SLC17A8: variants seen among roughly 807,000 people sequenced by gnomAD.
The protein encoded by SLC17A8 is solute carrier family 17 member 8.
In SLC17A8, 31 loss-of-function variants were observed where a neutral mutation model predicts 58.0. The observed-to-expected ratio is 0.53, with a 90% CI of 0.40 to 0.72. The LOEUF is 0.72. Ranked by LOEUF, SLC17A8 falls within the 30% of genes least tolerant of loss-of-function variation. The probability of loss-of-function intolerance (pLI) is 0.00; values close to 1 mark genes in which losing one functional copy is unlikely to be tolerated. For synonymous variants in SLC17A8, 228 were observed against 249.0 expected, an observed-to-expected ratio of 0.92 and a Z score of 0.79; for missense variants, 655 against 727.8, an observed-to-expected ratio of 0.90 and a Z score of 1.15.
chr12:100,377,585 ATTTTTT>A (rs35397911), intron 1 of SLC17A8, among the ~76,000 whole-genome samples: 39 of 84,030 alleles, frequency 4.6e-4, no homozygotes, highest in African/African-American at 5.4e-4. Context: ...ATATATATAT[ATTTTTT>A]TTTTTTTTTT....
chr12:100,415,101 T>A (rs560081082), intron 10 of SLC17A8, among the ~76,000 whole-genome samples: 1 of 152,312 alleles, frequency 6.6e-6, no homozygotes, highest in South Asian at 2.1e-4. Flanking sequence ...GCCAATTAAG[T>A]CACAATCTGA....
At position 100,412,750 on chromosome 12, in the gene SLC17A8, C is replaced by A; in HGVS notation, c.1187-20C>A. ...CGATATGAAAATGACATTTTTTTCC[C>A]TTGCTGTTTCCATTTGCAGGTTTTG... On this transcript the variant is annotated intron_variant, in intron 9 of 11. Transcript: ENST00000323346. 6.4e-7 allele frequency: 1 copy of A among 1,558,414 alleles called. No homozygotes were observed. The highest frequency in any genetic ancestry group is 1.1e-5 in the South Asian group (1 of 89,902).
chr12:100,409,357 CAT>C (rs1224359669), intron 9 of SLC17A8, among the ~76,000 whole-genome samples: 2 of 151,914 alleles, frequency 1.3e-5, no homozygotes, highest in Admixed American at 6.6e-5. Flanking sequence ...GGCTAACTTT[CAT>C]ATGTTTAGTA....
At chr12:100,392,551 T>C (rs1032793127) in intron 3 of SLC17A8, among the ~76,000 whole-genome samples, 2 of 152,194 alleles carry the variant, frequency 1.3e-5, no homozygotes, top group Admixed American at 6.5e-5. Context: ...TAGTTATCTA[T>C]TGTATTCTTT....
chr12:100,407,712 T>G (rs1407178424), intron 9 of SLC17A8, among the ~76,000 whole-genome samples: 1 of 152,070 alleles, frequency 6.6e-6, no homozygotes, highest in African/African-American at 2.4e-5. Flanking sequence ...TTCACACCAT[T>G]CTCCTGCCTC....
intron 1 of SLC17A8, among the ~76,000 whole-genome samples, chr12:100,366,601 T>A (rs542319485): frequency 1.3e-5 from 2 of 152,290 alleles, no homozygotes; most frequent in African/African-American, 4.8e-5. Context: ...ACTGTGGGCA[T>A]CATGACTGCA....
intron 2 of SLC17A8, among the ~76,000 whole-genome samples, chr12:100,382,727 T>C (rs181966840): frequency 6.6e-6 from 1 of 152,308 alleles, no homozygotes; most frequent in African/African-American, 2.4e-5. Context: ...GGAGACGTGG[T>C]AGGCAATATT....
intron 1 of SLC17A8, among the ~76,000 whole-genome samples, chr12:100,376,035 C>T (rs1952592590): frequency 6.6e-6 from 1 of 152,022 alleles, no homozygotes; most frequent in African/African-American, 2.4e-5. Context: ...TGACTGATGT[C>T]CTTATATGAA....
At chr12:100,399,361 A>G (rs1364096319) in intron 5 of SLC17A8, among the ~76,000 whole-genome samples, 2 of 152,198 alleles carry the variant, frequency 1.3e-5, no homozygotes, top group African/African-American at 4.8e-5. Context: ...GAGAATGTCT[A>G]AAAGGATGAG....
At chr12:100,401,927 G>C in intron 6 of SLC17A8, 64 bp downstream of exon 6, 1 of 1,302,284 alleles carries the variant, frequency 7.7e-7, no homozygotes, top group Non-Finnish European at 1.1e-6. Context: ...CTGCATATGG[G>C]TTTGGCTCAG....
At chr12:100,403,433 C>T (rs1032125467) in intron 8 of SLC17A8, among the ~76,000 whole-genome samples, 2 of 150,922 alleles carry the variant, frequency 1.3e-5, no homozygotes, top group Non-Finnish European at 2.9e-5. Flanking sequence ...TGCACCACTG[C>T]ACTCCAGCCT....
In SLC17A8 at chr12:100,402,419, T is replaced by C. The variant is rs749854399; in HGVS notation, c.843T>C (p.Asn281=). Residue 281 remains asparagine, a synonymous_variant, in exon 7 of 12, where the codon AAT becomes AAC. Transcript: ENST00000323346. ...CAGCAGCTCATCCAACAATATCCAATGAGGAGAAGACCTATATAGAGACAA... is the reference window on the plus strand; with the variant it reads ...CAGCAGCTCATCCAACAATATCCAACGAGGAGAAGACCTATATAGAGACAA... ...ECPAAHPTIS[N]EEKTYIETSI... 2 of 1,614,082 alleles carry C rather than the reference T, an allele frequency of 1.2e-6. No individual in the cohort carries two copies. The highest frequency in any genetic ancestry group is 1.7e-5 in the Admixed American group (1 of 60,010).
At chr12:100,393,831 C>A (rs1952733503) in intron 4 of SLC17A8, among the ~76,000 whole-genome samples, 2 of 152,160 alleles carry the variant, frequency 1.3e-5, no homozygotes, top group Admixed American at 1.3e-4. Flanking sequence ...ATTAATAAAT[C>A]TGTACATTTT....
intron 5 of SLC17A8, among the ~76,000 whole-genome samples, chr12:100,400,311 C>A (rs1800367041): frequency 1.3e-5 from 2 of 152,050 alleles, no homozygotes; most frequent in Admixed American, 6.5e-5. Flanking sequence ...TTTGAGGAGC[C>A]CTGAGATTGT....
Position 100,421,861 on chromosome 12 carries a change from C to A in SLC17A8, c.*1702C>A, listed in dbSNP as rs1430628739. 6.6e-6 allele frequency: 1 copy of A among 151,926 alleles called. No individual in the cohort carries two copies. The highest frequency in any genetic ancestry group is 1.5e-5 in the Non-Finnish European group (1 of 67,978). 9.4% of individuals were successfully genotyped at this position (151,926 alleles called of 1,614,324 possible). ...AATCTCTTTAATGAGTGAATCCATG[C>A]AAGCCCCATAAAACAGTTCCTAGCA... On this transcript the variant is annotated 3_prime_UTR_variant, in exon 12 of 12. Transcript: ENST00000323346.
Position 100,418,241 on chromosome 12 carries a change from G to A in SLC17A8, c.1425+85G>A, listed in dbSNP as rs555752571. The A allele has an allele frequency of 2.2e-5, 34 of 1,537,778 alleles. No homozygotes were observed. The East Asian group carries it at 3.8e-4, about 17-fold the overall frequency. On this transcript the variant is annotated intron_variant, in intron 11 of 11. Transcript: ENST00000323346. ...CTTGAGATTTCAAGGCTCTACTGCAGTCTGTAAATGTGTATGTCCTTGACC... is the reference window on the plus strand; with the variant it reads ...CTTGAGATTTCAAGGCTCTACTGCAATCTGTAAATGTGTATGTCCTTGACC...
chr12:100,378,651 C>T (rs987925168), intron 1 of SLC17A8, among the ~76,000 whole-genome samples: 9 of 151,832 alleles, frequency 5.9e-5, no homozygotes, highest in Admixed American at 5.2e-4. Flanking sequence ...GAGCAATATT[C>T]GTGAGGGGAT....
At chr12:100,393,079 C>G (rs1187859813) in intron 3 of SLC17A8, among the ~76,000 whole-genome samples, 2 of 152,170 alleles carry the variant, frequency 1.3e-5, no homozygotes, top group Non-Finnish European at 2.9e-5. Flanking sequence ...GCACTAGACC[C>G]TAACACATCT....
intron 1 of SLC17A8, 94 bp downstream of exon 1, chr12:100,357,586 T>G (rs909544807): frequency 1.2e-6 from 1 of 836,346 alleles, no homozygotes; most frequent in Middle Eastern, 2.2e-4. Flanking sequence ...AACCACACTT[T>G]AATGAGGAGA....
Sources: allele counts gnomAD v4.1 joint callset (sites outside exome capture counted in the v4.1 genomes callset), GRCh38; gene constraint gnomAD v4.1.1; transcripts MANE v1.5; gene names NCBI Gene and HGNC (gene_info 2026-07-23, HGNC 2026-07-21).